The following AGBL1 variants were observed in gnomAD, a reference collection of about 807,000 sequenced individuals.
The protein encoded by AGBL1 is AGBL carboxypeptidase 1.
In AGBL1, 130 loss-of-function variants were observed where a neutral mutation model predicts 118.9. The ratio of observed to expected loss-of-function variants is 1.09; its 90% CI spans 0.95 to 1.26. The LOEUF (loss-of-function observed/expected upper bound fraction) is 1.26, where lower values mean the gene tolerates loss of function less well. Among genes scored for constraint, AGBL1 ranks in the 50% most tolerant of loss-of-function variants. The pLI, the probability that AGBL1 is intolerant of heterozygous loss-of-function variation, is 0.00. For synonymous variants in AGBL1, 555 were observed against 478.9 expected (o/e 1.16, Z -2.08); for missense variants, 1,584 against 1,298.1 (o/e 1.22, Z -3.38).
Position 86,367,191 on chromosome 15 carries a change from G to A in AGBL1, c.2375-30175G>A, listed in dbSNP as rs139346177. ...GCTCATGTAAATCAAAAGTTTGGGA[G>A]AATGGAATCTTTAAGCATGGTTTTA... On this transcript the variant is annotated intron_variant, in intron 17 of 22. Transcript: ENST00000614907. Among the ~76,000 whole-genome samples, 127 of 152,284 alleles carry A rather than the reference G, an allele frequency of 8.3e-4. 1 individual carries two copies. In the East Asian group the frequency reaches 0.024, roughly 29 times the overall value.
At chr15:86,969,518 C>A (rs943803057) in intron 23 of AGBL1, among the ~76,000 whole-genome samples, 1 of 152,038 alleles carries the variant, frequency 6.6e-6, no homozygotes, top group Non-Finnish European at 1.5e-5. Context: ...TATGTATGCA[C>A]ATACGCATAG....
chr15:86,213,106 G>T (rs2078128080), intron 5 of AGBL1, among the ~76,000 whole-genome samples: 1 of 152,168 alleles, frequency 6.6e-6, no homozygotes, highest in Non-Finnish European at 1.5e-5. Context: ...ATGAATAACT[G>T]CCCTTACTGT....
intron 18 of AGBL1, among the ~76,000 whole-genome samples, chr15:86,430,730 A>G (rs1362857922): frequency 2.0e-5 from 3 of 152,186 alleles, no homozygotes; most frequent in Non-Finnish European, 4.4e-5. Context: ...TGAACAGTCC[A>G]CAGGTGATAA....
At chr15:86,107,734 T>C (rs1302717533) in intron 1 of AGBL1, 1 of 152,164 alleles carries the variant, frequency 6.6e-6, no homozygotes, top group East Asian at 1.9e-4. Flanking sequence ...TGTTGTTGGG[T>C]AGGGCTCAGT....
At chr15:86,496,173 G>C (rs552459498) in intron 18 of AGBL1, among the ~76,000 whole-genome samples, 1 of 152,086 alleles carries the variant, frequency 6.6e-6, no homozygotes, top group South Asian at 2.1e-4. Flanking sequence ...GATAGTGAAT[G>C]AGTTTTCACA....
intron 24 of AGBL1, among the ~76,000 whole-genome samples, chr15:86,992,984 G>C (rs1278185723): frequency 6.6e-6 from 1 of 152,118 alleles, no homozygotes; most frequent in Non-Finnish European, 1.5e-5. Flanking sequence ...GTGTGGAAGA[G>C]AAATTTGAAT....
At chr15:86,587,157 G>A (rs1315220621) in intron 21 of AGBL1, among the ~76,000 whole-genome samples, 4 of 152,176 alleles carry the variant, frequency 2.6e-5, no homozygotes, top group Admixed American at 6.5e-5. Context: ...CTCCCACCAT[G>A]AGCTTATGAG....
intron 21 of AGBL1, among the ~76,000 whole-genome samples, chr15:86,640,037 G>C (rs1372939145): frequency 6.6e-6 from 1 of 152,044 alleles, no homozygotes; most frequent in Non-Finnish European, 1.5e-5. Context: ...GAGATAATGT[G>C]TCTGAAAGTG....
chr15:86,334,675 T>C (rs1367151251), intron 17 of AGBL1, among the ~76,000 whole-genome samples: 1 of 152,058 alleles, frequency 6.6e-6, no homozygotes, highest in Non-Finnish European at 1.5e-5. Flanking sequence ...AAAATTCATA[T>C]GGAACCAAAA....
At chr15:86,382,068 T>A (rs901834159) in intron 17 of AGBL1, among the ~76,000 whole-genome samples, 2 of 152,034 alleles carry the variant, frequency 1.3e-5, no homozygotes, top group African/African-American at 2.4e-5. Flanking sequence ...CTTGTGGGAC[T>A]CCCCCACCGC....
intron 5 of AGBL1, among the ~76,000 whole-genome samples, chr15:86,190,126 A>G (rs1384007093): frequency 6.6e-6 from 1 of 152,212 alleles, no homozygotes; most frequent in Admixed American, 6.5e-5. Flanking sequence ...GACATTTTTA[A>G]TTAGTTCTAT....
intron 16 of AGBL1, among the ~76,000 whole-genome samples, chr15:86,283,093 T>C (rs1272445066): frequency 2.6e-5 from 4 of 152,226 alleles, no homozygotes; most frequent in African/African-American, 9.6e-5. Context: ...GAAAGAAATA[T>C]ACTATTGTAA....
At chr15:86,178,604 C>A (rs1022073263) in intron 5 of AGBL1, among the ~76,000 whole-genome samples, 24 of 152,192 alleles carry the variant, frequency 1.6e-4, no homozygotes, top group African/African-American at 4.8e-4. Context: ...ATTATCCCCA[C>A]AAAGAAAAGT....
At chr15:86,975,903 C>T (rs1307146557) in intron 23 of AGBL1, among the ~76,000 whole-genome samples, 1 of 143,726 alleles carries the variant, frequency 7.0e-6, no homozygotes, top group African/African-American at 2.6e-5. Context: ...GCCTGGCTAT[C>T]CCATTAGGCT....
chr15:86,455,005 C>G (rs2082242600), intron 18 of AGBL1, among the ~76,000 whole-genome samples: 1 of 152,114 alleles, frequency 6.6e-6, no homozygotes, highest in African/African-American at 2.4e-5. Flanking sequence ...CTATTGCCTC[C>G]CTAAGACACT....
At chr15:86,836,248 C>A (rs192545710) in intron 22 of AGBL1, among the ~76,000 whole-genome samples, 1 of 152,256 alleles carries the variant, frequency 6.6e-6, no homozygotes, top group South Asian at 2.1e-4. Context: ...CAATAGGCCC[C>A]ATGGGTAGCC....
intron 5 of AGBL1, among the ~76,000 whole-genome samples, chr15:86,213,624 G>A (rs1406315293): frequency 1.3e-5 from 2 of 152,144 alleles, no homozygotes; most frequent in East Asian, 3.9e-4. Context: ...GTCCTGCCAA[G>A]TGAGGGAGCA....
chr15:86,548,663 G>GCACGCACACA (rs1555424781), intron 20 of AGBL1, among the ~76,000 whole-genome samples: 335 of 142,784 alleles, frequency 2.3e-3, no homozygotes, highest in African/African-American at 7.4e-3. Context: ...ACACATGCAC[G>GCACGCACACA]CACACACACA....
At chr15:86,455,817 T>C (rs1227604043) in intron 18 of AGBL1, among the ~76,000 whole-genome samples, 1 of 152,134 alleles carries the variant, frequency 6.6e-6, no homozygotes, top group Non-Finnish European at 1.5e-5. Context: ...TTTTTTCCCC[T>C]GAGTTATAGA....
Sources: gnomAD v4.1 joint callset for allele counts (sites outside exome capture counted in the v4.1 genomes callset) on GRCh38, gnomAD v4.1.1 for gene constraint, MANE v1.5 for transcripts, NCBI Gene and HGNC (gene_info 2026-07-23, HGNC 2026-07-21) for gene names.